ESR1: variants seen among roughly 807,000 people sequenced by gnomAD.
ESR1 encodes estrogen receptor 1.
Under a neutral mutation model 52.7 loss-of-function variants are expected in ESR1, and 12 were observed. The ratio of observed to expected loss-of-function variants is 0.23; its 90% CI spans 0.15 to 0.37. The LOEUF (loss-of-function observed/expected upper bound fraction) is 0.37, where lower values mean the gene tolerates loss of function less well. ESR1 is among the 10% of genes least tolerant of loss of function. The probability of loss-of-function intolerance (pLI) is 1.00; values close to 1 mark genes in which losing one functional copy is unlikely to be tolerated. For synonymous variants in ESR1, 305 were observed against 316.8 expected, an observed-to-expected ratio of 0.96 and a Z score of 0.39; for missense variants, 584 against 779.7, an observed-to-expected ratio of 0.75 and a Z score of 2.99.
chr6:151,960,743 A>C (rs1227829776), intron 4 of ESR1, among the ~76,000 whole-genome samples: 1 of 152,192 alleles, frequency 6.6e-6, no homozygotes, highest in Non-Finnish European at 1.5e-5. Flanking sequence ...TTGAGAAGAC[A>C]TCCAAAGGGG....
chr6:151,762,833 G>A (rs1247706704), intron 2 of ESR1, among the ~76,000 whole-genome samples: 2 of 151,990 alleles, frequency 1.3e-5, no homozygotes, highest in African/African-American at 2.4e-5. Flanking sequence ...GCATAGTGGC[G>A]TGTGTCTGTA....
intron 4 of ESR1, among the ~76,000 whole-genome samples, chr6:151,962,507 A>G (rs1354075745): frequency 1.3e-5 from 2 of 152,258 alleles, no homozygotes; most frequent in East Asian, 3.9e-4. Context: ...TTCAAATGGG[A>G]TCTTTTACTA....
intron 4 of ESR1, among the ~76,000 whole-genome samples, chr6:151,978,055 G>A (rs2039629208): frequency 6.6e-6 from 1 of 151,080 alleles, no homozygotes; most frequent in Non-Finnish European, 1.5e-5. Flanking sequence ...ATCAGACTCA[G>A]AGGCTTCAGA....
At chr6:152,076,268 T>G (rs1399101126) in intron 6 of ESR1, among the ~76,000 whole-genome samples, 1 of 152,132 alleles carries the variant, frequency 6.6e-6, no homozygotes, top group Admixed American at 6.6e-5. Flanking sequence ...TTATCAGGGG[T>G]TTCCACTTTT....
chr6:152,097,776 A>G (rs1280842944), intron 7 of ESR1, among the ~76,000 whole-genome samples: 2 of 151,838 alleles, frequency 1.3e-5, no homozygotes, highest in Non-Finnish European at 1.5e-5. Flanking sequence ...ACGTGAACTG[A>G]GCTCTGGGCA....
At chr6:151,877,483 T>C (rs114709318) in intron 2 of ESR1, among the ~76,000 whole-genome samples, 2,842 of 152,326 alleles carry the variant, frequency 0.019, 88 homozygotes, top group African/African-American at 0.066. Flanking sequence ...TCACAAAAGG[T>C]TTGCCGTATG....
intron 3 of ESR1, among the ~76,000 whole-genome samples, chr6:151,888,441 T>C (rs1016164618): frequency 6.6e-6 from 1 of 152,174 alleles, no homozygotes; most frequent in African/African-American, 2.4e-5. Flanking sequence ...ATAAATGAAA[T>C]TTCTTCTTGA....
intron 1 of ESR1, among the ~76,000 whole-genome samples, chr6:151,821,712 A>G (rs1412723728): frequency 6.6e-6 from 1 of 152,224 alleles, no homozygotes; most frequent in African/African-American, 2.4e-5. Flanking sequence ...AATTAAAAAA[A>G]TAATTTGATC....
chr6:152,071,577 C>A (rs6928634), intron 6 of ESR1, among the ~76,000 whole-genome samples: 2 of 152,056 alleles, frequency 1.3e-5, no homozygotes, highest in East Asian at 3.9e-4. Flanking sequence ...AGAACAATAC[C>A]TACTTAAACT....
intron 2 of ESR1, among the ~76,000 whole-genome samples, chr6:151,765,968 C>G (rs1184583186): frequency 6.6e-6 from 1 of 152,244 alleles, no homozygotes; most frequent in Non-Finnish European, 1.5e-5. Context: ...TAAAACTTTT[C>G]AAAGTAGATG....
At chr6:151,663,047 G>A (rs570189289) in intron 1 of ESR1, among the ~76,000 whole-genome samples, 20 of 143,356 alleles carry the variant, frequency 1.4e-4, no homozygotes, top group African/African-American at 4.6e-4. Flanking sequence ...TTAAATGGAG[G>A]GCTTGAGCTG....
Position 151,808,275 on chromosome 6 carries a change from G to T in ESR1, c.363G>T (p.Leu121=). ...LHPPPQLSPF[L]QPHGQQVPYY... is the part of the protein sequence containing the mutation. ...CGCCGCCGCAGCTGTCGCCTTTCCT[G>T]CAGCCCCACGGCCAGCAGGTGCCCT... The change falls in exon 1 of 8, where the codon CTG becomes CTT. Residue 121 remains leucine (L), a synonymous_variant. Coordinates refer to ENST00000206249, the MANE Select transcript of ESR1 (RefSeq NM_000125.4). 6.3e-7 allele frequency: 1 copy of T among 1,586,764 alleles called. No homozygotes were observed. The highest frequency in any genetic ancestry group is 8.6e-7 in the Non-Finnish European group (1 of 1,167,836).
chr6:152,038,590 A>G (rs1198343608), intron 5 of ESR1, among the ~76,000 whole-genome samples: 2 of 152,238 alleles, frequency 1.3e-5, no homozygotes, highest in Non-Finnish European at 2.9e-5. Context: ...AAATGTTATT[A>G]CATAAAGTTA....
intron 1 of ESR1, among the ~76,000 whole-genome samples, chr6:151,676,392 A>G (rs1056227841): frequency 5.3e-5 from 8 of 152,218 alleles, no homozygotes; most frequent in Admixed American, 5.2e-4. Context: ...AGAACACTCA[A>G]CAATTTGGTA....
exon 7 of ESR1, chr6:152,129,020 C>T (rs2152652835): frequency 6.6e-6 from 1 of 152,330 alleles, no homozygotes; most frequent in Non-Finnish European, 1.5e-5. Context: ...GTGCTGAATG[C>T]TCAGAAAGAT....
chr6:152,109,403 C>T (rs1251802814), intron 6 of ESR1, among the ~76,000 whole-genome samples: 2 of 152,014 alleles, frequency 1.3e-5, no homozygotes, highest in Admixed American at 6.6e-5. Context: ...CAGTGGCTTA[C>T]ACCTGTAATC....
intron 2 of ESR1, among the ~76,000 whole-genome samples, chr6:151,795,856 T>C (rs1776645191): frequency 6.6e-6 from 1 of 151,984 alleles, no homozygotes; most frequent in Admixed American, 6.6e-5. Context: ...TCATCAAAAA[T>C]GACGAAGATG....
At chr6:151,711,332 C>A (rs954939782) in intron 2 of ESR1, among the ~76,000 whole-genome samples, 1 of 152,042 alleles carries the variant, frequency 6.6e-6, no homozygotes, top group Non-Finnish European at 1.5e-5. Context: ...TGCCATTCTC[C>A]TGCTTCAGCC....
chr6:151,845,891 A>G (rs1374648726), intron 2 of ESR1, among the ~76,000 whole-genome samples: 1 of 152,182 alleles, frequency 6.6e-6, no homozygotes, highest in East Asian at 1.9e-4. Context: ...ACAAAGCCCT[A>G]TGCAAGACCC....
Sources: gnomAD v4.1 joint callset for allele counts (sites outside exome capture counted in the v4.1 genomes callset) on GRCh38, gnomAD v4.1.1 for gene constraint, MANE v1.5 for transcripts, NCBI Gene and HGNC (gene_info 2026-07-23, HGNC 2026-07-21) for gene names.